The following NNT variants were observed in gnomAD, a reference collection of about 807,000 sequenced individuals.
NNT encodes NAD(P) transhydrogenase, mitochondrial.
Under a neutral mutation model 104.8 loss-of-function variants are expected in NNT, and 50 were observed. The observed-to-expected ratio is 0.48, with a 90% CI of 0.38 to 0.60. NNT has a LOEUF of 0.60. Ranked by LOEUF, NNT falls within the 20% of genes least tolerant of loss-of-function variation. The pLI is 0.00. For missense variants in NNT, 1,131 were observed against 1,330.7 expected, an observed-to-expected ratio of 0.85 and a Z score of 2.33; for synonymous variants, 461 against 490.4, an observed-to-expected ratio of 0.94 and a Z score of 0.79.
At chr5:43,606,965 C>T (rs1432089414) in intron 1 of NNT, among the ~76,000 whole-genome samples, 1 of 150,248 alleles carries the variant, frequency 6.7e-6, no homozygotes, top group Non-Finnish European at 1.5e-5. Flanking sequence ...GGAGTTGTGG[C>T]AGCAGGTTTT....
intron 5 of NNT, among the ~76,000 whole-genome samples, chr5:43,622,015 G>A (rs1417343547): frequency 2.0e-5 from 3 of 152,126 alleles, no homozygotes; most frequent in African/African-American, 7.2e-5. Flanking sequence ...TATAGACTTT[G>A]GATTCTCCTG....
At chr5:43,612,804 T>C in intron 2 of NNT, 104 bp from the exon 3 acceptor site, 1 of 745,444 alleles carries the variant, frequency 1.3e-6, no homozygotes, top group Non-Finnish European at 2.2e-6. Flanking sequence ...TGGTATATTT[T>C]GAAGAAAAGA....
At chr5:43,643,477 A>C (rs1751341562) in intron 7 of NNT, among the ~76,000 whole-genome samples, 1 of 152,238 alleles carries the variant, frequency 6.6e-6, no homozygotes, top group Admixed American at 6.5e-5. Flanking sequence ...CACCATGAGA[A>C]CAAGGACTTT....
rs141686774 is a variant in NNT, at chr5:43,666,786, G to C, written c.2634+7436G>C. ...ATATCTACTCTGAAGGCTTTGTAGGGGCCTCGGTACCTTTGGGAGCCTGAG... is the reference window on the plus strand; with the variant it reads ...ATATCTACTCTGAAGGCTTTGTAGGCGCCTCGGTACCTTTGGGAGCCTGAG... On this transcript the variant is annotated intron_variant, in intron 17 of 21. Coordinates refer to ENST00000344920, the MANE Select transcript of NNT (RefSeq NM_182977.3). 182 of 1,300,760 alleles carry C rather than the reference G, an allele frequency of 1.4e-4. No individual in the cohort carries two copies. In the African/African-American group the frequency reaches 2.1e-3, roughly 15 times the overall value. The allele number at this position is 1,300,760 out of a possible 1,614,324, so 80.6% of individuals were successfully genotyped here. A position where few individuals can be genotyped will look rare whatever the true frequency, so the allele number is the denominator to read the frequency against.
chr5:43,684,498 G>A (rs1741881349), intron 19 of NNT, among the ~76,000 whole-genome samples: 1 of 152,032 alleles, frequency 6.6e-6, no homozygotes, highest in Admixed American at 6.5e-5. Context: ...CAGAGATGTT[G>A]ACTCTACAAC....
chr5:43,673,250 G>T (rs139827320), intron 17 of NNT, among the ~76,000 whole-genome samples: 8 of 152,122 alleles, frequency 5.3e-5, no homozygotes, highest in East Asian at 1.9e-4. Flanking sequence ...GCAATGCCTC[G>T]CCCTGCTTTG....
intron 10 of NNT, 190 bp downstream of exon 10, chr5:43,645,700 TATATA>T (rs1739374802): frequency 9.1e-6 from 1 of 109,664 alleles, no homozygotes; most frequent in African/African-American, 3.7e-5. Context: ...TATATATATA[TATATA>T]TATATTTTTT....
intron 19 of NNT, among the ~76,000 whole-genome samples, chr5:43,678,707 G>A (rs564997735): frequency 2.0e-5 from 3 of 152,308 alleles, no homozygotes; most frequent in East Asian, 1.9e-4. Context: ...AGTTAGCTGA[G>A]TTAGCCAGTC....
intron 19 of NNT, among the ~76,000 whole-genome samples, chr5:43,692,134 G>A (rs1373165843): frequency 7.9e-5 from 12 of 152,134 alleles, no homozygotes; most frequent in Non-Finnish European, 5.9e-5. Flanking sequence ...AGCAACTACT[G>A]TCTGATTATA....
chr5:43,662,910 AT>A (rs1740448023), intron 17 of NNT, among the ~76,000 whole-genome samples: 2 of 151,558 alleles, frequency 1.3e-5, no homozygotes, highest in Admixed American at 6.6e-5. Context: ...AAAAAAAAAA[AT>A]TCCAATTAGT....
In NNT at chr5:43,670,631, AC is replaced by A. The variant is rs1423998993; in HGVS notation, c.2635-4879del. ...TAATCCTGAGTTCTAGTGTGATTGC[AC>A]TGTGGTCTGAGAGAGAGTTTGTTAT... is the stretch of plus-strand genomic sequence containing the variant. On this transcript the variant is annotated intron_variant, in intron 17 of 21. Coordinates refer to ENST00000344920, the MANE Select transcript of NNT (RefSeq NM_182977.3). Among the ~76,000 whole-genome samples the A allele has an allele frequency of 6.6e-5, 10 of 152,312 alleles. No individual in the cohort carries two copies. The South Asian group carries it at 1.9e-3, about 28-fold the overall frequency.
chr5:43,645,573 A>G (rs918743462), intron 10 of NNT, 63 bp downstream of exon 10: 9 of 995,054 alleles, frequency 9.0e-6, no homozygotes, highest in Admixed American at 6.1e-5. Context: ...ATATATATAT[A>G]TATCTATAGA....
intron 2 of NNT, among the ~76,000 whole-genome samples, chr5:43,612,101 T>C (rs1210069715): frequency 1.3e-5 from 2 of 152,186 alleles, no homozygotes; most frequent in African/African-American, 4.8e-5. Flanking sequence ...CTACTACTGA[T>C]GTTTCTATCA....
intron 19 of NNT, among the ~76,000 whole-genome samples, chr5:43,698,877 C>CTATATATATATATACACTACATA (rs1742702693): frequency 1.4e-5 from 2 of 145,674 alleles, no homozygotes; most frequent in East Asian, 4.0e-4. Flanking sequence ...TATATGTAGA[C>CTATATATATATATACACTACATA]TATATATATA....
At chr5:43,631,041 G>C (rs1428880511) in intron 7 of NNT, among the ~76,000 whole-genome samples, 5 of 152,192 alleles carry the variant, frequency 3.3e-5, no homozygotes, top group African/African-American at 1.2e-4. Context: ...CTGTGAGCTT[G>C]TTGGGGAAAA....
chr5:43,659,135 T>G, intron 16 of NNT, 36 bp from the exon 17 acceptor site: 3 of 1,518,402 alleles, frequency 2.0e-6, no homozygotes, highest in Non-Finnish European at 2.7e-6. Context: ...ATTTTTATGT[T>G]ATTAATTTTG....
intron 19 of NNT, among the ~76,000 whole-genome samples, chr5:43,691,070 A>AGT (rs56075202): frequency 0.083 from 11,435 of 137,350 alleles, 434 homozygotes; most frequent in East Asian, 0.19. Context: ...TTTTTGAGAG[A>AGT]GTGTGTGTGT....
chr5:43,678,695 T>G (rs1741551019), intron 19 of NNT, among the ~76,000 whole-genome samples: 1 of 152,220 alleles, frequency 6.6e-6, no homozygotes, highest in Admixed American at 6.5e-5. Flanking sequence ...ACTGTTTTGC[T>G]GAGTTAGCTG....
intron 17 of NNT, among the ~76,000 whole-genome samples, chr5:43,668,553 T>C (rs1028885939): frequency 2.0e-5 from 3 of 152,348 alleles, no homozygotes; most frequent in African/African-American, 7.2e-5. Context: ...TCCCCATTTC[T>C]TGTTTTTGTC....
Sources: gnomAD v4.1 joint callset for allele counts (sites outside exome capture counted in the v4.1 genomes callset) on GRCh38, gnomAD v4.1.1 for gene constraint, MANE v1.5 for transcripts, NCBI Gene and HGNC (gene_info 2026-07-23, HGNC 2026-07-21) for gene names.